GPM6A: variants seen among roughly 807,000 people sequenced by gnomAD.
The protein encoded by GPM6A is neuronal membrane glycoprotein M6-a.
Under a neutral mutation model 32.1 loss-of-function variants are expected in GPM6A, and 7 were observed. The observed-to-expected ratio is 0.22, with a 90% confidence interval of 0.12 to 0.41. The LOEUF (loss-of-function observed/expected upper bound fraction) is 0.41, where lower values mean the gene tolerates loss of function less well. GPM6A is among the 10% of genes least tolerant of loss of function. The pLI is 1.00. For missense variants in GPM6A, 235 were observed against 347.2 expected, an observed-to-expected ratio of 0.68 and a Z score of 2.57; for synonymous variants, 130 against 123.4, an observed-to-expected ratio of 1.05 and a Z score of -0.35.
At chr4:175,658,090 G>A (rs924965186) in intron 3 of GPM6A, among the ~76,000 whole-genome samples, 4 of 151,998 alleles carry the variant, frequency 2.6e-5, no homozygotes, top group East Asian at 1.9e-4. Context: ...AGTTGTGATC[G>A]GAAAATTCTT....
At chr4:175,669,580 C>A (rs1231433193) in intron 3 of GPM6A, among the ~76,000 whole-genome samples, 43 of 152,086 alleles carry the variant, frequency 2.8e-4, no homozygotes, top group Non-Finnish European at 4.4e-5. Context: ...GATATTCAAC[C>A]TTTTATGTTT....
intron 1 of GPM6A, among the ~76,000 whole-genome samples, chr4:175,893,259 A>C (rs1034182253): frequency 1.3e-5 from 2 of 152,192 alleles, no homozygotes; most frequent in African/African-American, 4.8e-5. Context: ...AACTTTATTG[A>C]TAATACTAGA....
chr4:175,743,227 A>G (rs868382308), intron 1 of GPM6A, among the ~76,000 whole-genome samples: 1 of 152,042 alleles, frequency 6.6e-6, no homozygotes, highest in Admixed American at 6.6e-5. Flanking sequence ...ATATAAGTAC[A>G]ATTAACACAA....
chr4:175,853,016 C>T (rs1736305755), intron 1 of GPM6A, among the ~76,000 whole-genome samples: 2 of 152,020 alleles, frequency 1.3e-5, no homozygotes, highest in Admixed American at 1.3e-4. Context: ...CAATATCATG[C>T]TTCTTCTTAG....
At chr4:175,700,820 T>C (rs1242223582) in intron 2 of GPM6A, among the ~76,000 whole-genome samples, 1 of 152,192 alleles carries the variant, frequency 6.6e-6, no homozygotes, top group African/African-American at 2.4e-5. Context: ...AATCACTGAA[T>C]AAATTATCTG....
At chr4:175,977,953 T>C (rs1740709380) in intron 1 of GPM6A, among the ~76,000 whole-genome samples, 1 of 152,212 alleles carries the variant, frequency 6.6e-6, no homozygotes, top group Non-Finnish European at 1.5e-5. Flanking sequence ...AAATACTATG[T>C]GGTCCTACTT....
intron 1 of GPM6A, among the ~76,000 whole-genome samples, chr4:175,747,208 T>C (rs1197527945): frequency 6.8e-6 from 1 of 146,602 alleles, no homozygotes; most frequent in Non-Finnish European, 1.5e-5. Flanking sequence ...TGGCAGAAGT[T>C]GCAGTTAGCC....
intron 1 of GPM6A, among the ~76,000 whole-genome samples, chr4:175,991,053 CTT>C (rs35008663): frequency 0.12 from 18,645 of 149,724 alleles, 1,250 homozygotes; most frequent in East Asian, 0.24. Context: ...TTAAATCTTT[CTT>C]TCTTTCTTTA....
At chr4:175,667,303 C>T (rs1402640677) in intron 3 of GPM6A, among the ~76,000 whole-genome samples, 1 of 152,130 alleles carries the variant, frequency 6.6e-6, no homozygotes, top group East Asian at 1.9e-4. Flanking sequence ...CCTTCCTCCT[C>T]ATAACTCAAA....
At chr4:175,671,710 A>G (rs1743081434) in intron 3 of GPM6A, among the ~76,000 whole-genome samples, 1 of 152,148 alleles carries the variant, frequency 6.6e-6, no homozygotes, top group Non-Finnish European at 1.5e-5. Context: ...TCGTGGAGCT[A>G]GCCCCCTTCG....
chr4:175,862,717 A>G (rs1736610156), intron 1 of GPM6A, among the ~76,000 whole-genome samples: 1 of 151,860 alleles, frequency 6.6e-6, no homozygotes, highest in Non-Finnish European at 1.5e-5. Context: ...TCAAAGCACA[A>G]GGTTTTATGT....
intron 1 of GPM6A, among the ~76,000 whole-genome samples, chr4:175,987,524 T>TTGTGTG (rs141045074): frequency 0.016 from 2,326 of 148,630 alleles, 23 homozygotes; most frequent in East Asian, 0.033. Flanking sequence ...TAAAGTGTGT[T>TTGTGTG]TGTGTGTGTG....
Position 175,673,759 on chromosome 4 carries a change from C to T in GPM6A, c.308G>A (p.Gly103Asp). 1.2e-6 allele frequency: 2 copies of T among 1,612,956 alleles called. No individual in the cohort carries two copies. Among genetic ancestry groups the T allele is most frequent in the Non-Finnish European group, 1.7e-6 (2 of 1,179,122 alleles). The change falls in exon 3 of 7, where the codon GGT becomes GAT. Residue 103 changes from glycine to aspartate, a missense_variant. Around this residue, in one of 3 missense-constraint regions of GPM6A, gnomAD observed 101 missense variants for 171.2 expected, o/e 0.59. Coordinates refer to ENST00000393658, the MANE Select transcript of GPM6A (RefSeq NM_201591.3). Reference sequence around the variant, plus strand: ...TTTGATGGCCCCAGTTGTGAAGAAACCTTCCACCATCAGCAAAATGCCATA... The same window carrying T: ...TTTGATGGCCCCAGTTGTGAAGAAATCTTCCACCATCAGCAAAATGCCATA... ...FVYGILLMVEGFFTTGAIKDL... is the reference protein window; with the variant it reads ...FVYGILLMVEDFFTTGAIKDL...
intron 1 of GPM6A, among the ~76,000 whole-genome samples, chr4:175,751,997 C>G (rs1223245686): frequency 6.6e-6 from 1 of 152,072 alleles, no homozygotes; most frequent in Non-Finnish European, 1.5e-5. Flanking sequence ...GATGTTAGCT[C>G]CTTCTTCCCT....
intron 3 of GPM6A, among the ~76,000 whole-genome samples, chr4:175,658,733 C>T (rs76981762): frequency 0.033 from 5,083 of 152,122 alleles, 114 homozygotes; most frequent in Middle Eastern, 0.088. Flanking sequence ...AAACCTAAAA[C>T]GGTTCTAAAA....
chr4:175,872,733 CAAATA>C (rs1736950510), intron 1 of GPM6A: 1 of 152,022 alleles, frequency 6.6e-6, no homozygotes, highest in Non-Finnish European at 1.5e-5. Flanking sequence ...ATTTATGTGA[CAAATA>C]AAAGGTGCAA....
chr4:175,770,528 G>C (rs1221366680), intron 1 of GPM6A, among the ~76,000 whole-genome samples: 1 of 152,020 alleles, frequency 6.6e-6, no homozygotes, highest in Admixed American at 6.6e-5. Context: ...ATTTTGATCT[G>C]CCCGTTGCTT....
chr4:175,751,388 T>TACAGTA (rs1732330302), intron 1 of GPM6A, among the ~76,000 whole-genome samples: 1 of 152,218 alleles, frequency 6.6e-6, no homozygotes, highest in Non-Finnish European at 1.5e-5. Flanking sequence ...GCAACTTATT[T>TACAGTA]TCCCAAGGAT....
At chr4:175,934,798 C>A (rs1189982486) in intron 1 of GPM6A, among the ~76,000 whole-genome samples, 1 of 152,168 alleles carries the variant, frequency 6.6e-6, no homozygotes, top group African/African-American at 2.4e-5. Context: ...CCAGTCATAA[C>A]AACAAATTGT....
Sources: gnomAD v4.1 joint callset for allele counts (sites outside exome capture counted in the v4.1 genomes callset) on GRCh38, gnomAD v4.1.1 for gene constraint, gnomAD v4.1.1 regional missense constraint, MANE v1.5 for transcripts, NCBI Gene and HGNC (gene_info 2026-07-23, HGNC 2026-07-21) for gene names.